GPBP1: variants seen among roughly 807,000 people sequenced by gnomAD.
GPBP1 encodes the protein GC-rich promoter binding protein 1, also known as vasculin.
A neutral mutation model predicts 56.5 loss-of-function variants in GPBP1; 13 were observed. That is an observed-to-expected ratio of 0.23 (90% CI 0.15 to 0.37). The LOEUF is 0.37. GPBP1 is among the 10% of genes least tolerant of loss of function. GPBP1 has a pLI of 1.00. For synonymous variants in GPBP1, 204 were observed against 188.9 expected, an observed-to-expected ratio of 1.08 and a Z score of -0.66; for missense variants, 477 against 572.3, an observed-to-expected ratio of 0.83 and a Z score of 1.70.
intron 3 of GPBP1, chr5:57,221,390 T>C (rs927212761): frequency 1.3e-6 from 2 of 1,526,142 alleles, no homozygotes; most frequent in Non-Finnish European, 1.8e-6. Context: ...TGACCAGCAG[T>C]TTGAAAGTAA....
At chr5:57,224,565 C>T (rs1489568276) in intron 3 of GPBP1, among the ~76,000 whole-genome samples, 1 of 152,048 alleles carries the variant, frequency 6.6e-6, no homozygotes, top group Non-Finnish European at 1.5e-5. Context: ...CTCTAGTCAG[C>T]CTTTCAAGTA....
chr5:57,219,947 G>A (rs921822975), intron 3 of GPBP1, among the ~76,000 whole-genome samples: 13 of 151,674 alleles, frequency 8.6e-5, no homozygotes, highest in Non-Finnish European at 1.9e-4. Context: ...AGCTACTCGG[G>A]AGGCTGAGCA....
chr5:57,187,997 C>CT (rs1387313418), intron 2 of GPBP1, among the ~76,000 whole-genome samples: 1 of 151,896 alleles, frequency 6.6e-6, no homozygotes, highest in African/African-American at 2.4e-5. Flanking sequence ...AATCTCAGCA[C>CT]TTTGGGAGGC....
At chr5:57,236,250 C>A (rs1440379287) in intron 6 of GPBP1, among the ~76,000 whole-genome samples, 1 of 152,100 alleles carries the variant, frequency 6.6e-6, no homozygotes, top group Non-Finnish European at 1.5e-5. Context: ...ATGTTAGTAT[C>A]ATTAAACATA....
intron 6 of GPBP1, chr5:57,237,102 A>C (rs1247004756): frequency 7.2e-6 from 11 of 1,538,142 alleles, no homozygotes; most frequent in Non-Finnish European, 9.7e-6. Flanking sequence ...TATTTCTACC[A>C]CTCTCCCCAG....
At chr5:57,256,255 CAAAAAAT>C (rs1487694951) in intron 10 of GPBP1, among the ~76,000 whole-genome samples, 1 of 151,386 alleles carries the variant, frequency 6.6e-6, no homozygotes, top group East Asian at 1.9e-4. Flanking sequence ...ACTCCATTCT[CAAAAAAT>C]AAAAAATAAA....
At chr5:57,239,630 AT>A in intron 6 of GPBP1, among the ~76,000 whole-genome samples, 1 of 152,210 alleles carries the variant, frequency 6.6e-6, no homozygotes, top group East Asian at 1.9e-4. Context: ...AAATACAAAA[AT>A]TAGCTGGGCG....
At chr5:57,176,876 G>A (rs1753809065) in intron 2 of GPBP1, among the ~76,000 whole-genome samples, 1 of 152,156 alleles carries the variant, frequency 6.6e-6, no homozygotes, top group Non-Finnish European at 1.5e-5. Context: ...ACATAGTTTG[G>A]TTATATTACA....
chr5:57,204,494 C>T (rs1248638881), intron 2 of GPBP1, among the ~76,000 whole-genome samples: 1 of 152,142 alleles, frequency 6.6e-6, no homozygotes, highest in African/African-American at 2.4e-5. Flanking sequence ...TCGGGCGATA[C>T]CCCGACCTGG....
intron 2 of GPBP1, among the ~76,000 whole-genome samples, chr5:57,199,812 A>G (rs1335077813): frequency 6.6e-6 from 1 of 152,074 alleles, no homozygotes; most frequent in African/African-American, 2.4e-5. Flanking sequence ...GTGCTGTTCA[A>G]GAACCCCTAC....
chr5:57,189,096 G>A (rs1754412120), intron 2 of GPBP1, among the ~76,000 whole-genome samples: 6 of 152,076 alleles, frequency 3.9e-5, no homozygotes, highest in Admixed American at 3.9e-4. Context: ...AAGTAGCTGG[G>A]ATTACAGGCA....
At chr5:57,224,381 T>TA (rs770107852) in intron 3 of GPBP1, among the ~76,000 whole-genome samples, 3 of 151,826 alleles carry the variant, frequency 2.0e-5, no homozygotes, top group Non-Finnish European at 4.4e-5. Flanking sequence ...TAGCTGGGAC[T>TA]ACAGGCAGAT....
chr5:57,188,698 G>A (rs557108074), intron 2 of GPBP1, among the ~76,000 whole-genome samples: 10 of 152,238 alleles, frequency 6.6e-5, no homozygotes, highest in African/African-American at 2.4e-4. Flanking sequence ...AGCCGAGATC[G>A]TGGCACTGCA....
intron 2 of GPBP1, among the ~76,000 whole-genome samples, chr5:57,207,608 C>CA (rs1267402972): frequency 1.3e-5 from 2 of 152,178 alleles, no homozygotes; most frequent in African/African-American, 2.4e-5. Flanking sequence ...TGCCTTATCG[C>CA]AAGGACAGAG....
At chr5:57,188,173 A>G (rs1754371997) in intron 2 of GPBP1, among the ~76,000 whole-genome samples, 1 of 151,472 alleles carries the variant, frequency 6.6e-6, no homozygotes, top group African/African-American at 2.4e-5. Context: ...GATCTCAGGA[A>G]GTGGAAGTTG....
chr5:57,259,225 T>C (rs753834741), intron 10 of GPBP1, among the ~76,000 whole-genome samples: 1 of 152,244 alleles, frequency 6.6e-6, no homozygotes, highest in Non-Finnish European at 1.5e-5. Flanking sequence ...TCTATTTGTC[T>C]TTGCCATCAA....
chr5:57,245,225 T>C (rs1741036415), intron 6 of GPBP1, among the ~76,000 whole-genome samples: 1 of 152,188 alleles, frequency 6.6e-6, no homozygotes. Flanking sequence ...TGTGTTTAAT[T>C]TTTGGAAAGA....
intron 1 of GPBP1, among the ~76,000 whole-genome samples, chr5:57,174,837 G>A (rs1380532093): frequency 6.6e-6 from 1 of 152,178 alleles, no homozygotes; most frequent in African/African-American, 2.4e-5. Context: ...TTAATTCGAG[G>A]AAGTGGAAAC....
chr5:57,255,478 A>G (rs575503596), intron 10 of GPBP1, among the ~76,000 whole-genome samples: 19 of 152,378 alleles, frequency 1.2e-4, no homozygotes, highest in South Asian at 4.1e-4. Context: ...TAGTCACACA[A>G]TTGGTAGAAA....
Sources: allele counts gnomAD v4.1 joint callset (sites outside exome capture counted in the v4.1 genomes callset), GRCh38; gene constraint gnomAD v4.1.1; transcripts MANE v1.5; gene names NCBI Gene and HGNC (gene_info 2026-07-23, HGNC 2026-07-21).